Variants in KIF4A observed in about 807,000 individuals in gnomAD.
KIF4A encodes the protein chromosome-associated kinesin KIF4A.
In KIF4A, 7 loss-of-function variants were observed where a neutral mutation model predicts 105.9. The observed-to-expected ratio is 0.07, with a 90% CI of 0.04 to 0.12. The LOEUF is 0.12. Among genes scored for constraint, KIF4A ranks in the 10% least tolerant of loss-of-function variants. KIF4A has a pLI of 1.00. For missense variants in KIF4A, 558 were observed against 929.2 expected, an observed-to-expected ratio of 0.60 and a Z score of 5.19; for synonymous variants, 281 against 331.3, an observed-to-expected ratio of 0.85 and a Z score of 1.65.
At chrX:70,364,151 G>A (rs905836664) in intron 15 of KIF4A, among the ~76,000 whole-genome samples, 13 of 112,029 alleles carry the variant, frequency 1.2e-4, no homozygotes, top group Non-Finnish European at 1.7e-4. Flanking sequence ...CCCTTTGTCA[G>A]ATGAGTAGGT....
chrX:70,312,841 C>A (rs766804453), intron 7 of KIF4A, among the ~76,000 whole-genome samples: 5 of 111,857 alleles, frequency 4.5e-5, no homozygotes, highest in Admixed American at 3.8e-4. Flanking sequence ...TTTACTCTTT[C>A]ATTTTCTCTC....
chrX:70,372,518 C>G (rs764874055), intron 15 of KIF4A, among the ~76,000 whole-genome samples: 4 of 114,367 alleles, frequency 3.5e-5, no homozygotes, highest in African/African-American at 1.3e-4. Flanking sequence ...TGGCGCGCGC[C>G]TGCAATCGCA....
At chrX:70,333,320 C>CAA (rs1196392295) in intron 9 of KIF4A, among the ~76,000 whole-genome samples, 1 of 47,725 alleles carries the variant, frequency 2.1e-5, no homozygotes, top group Admixed American at 2.6e-4. Context: ...ACTCTGTCTC[C>CAA]AAAAAAAAAA....
intron 7 of KIF4A, among the ~76,000 whole-genome samples, chrX:70,326,295 C>G (rs888306177): frequency 9.0e-6 from 1 of 111,685 alleles, no homozygotes; most frequent in Non-Finnish European, 1.9e-5. Context: ...GGATGTTTTA[C>G]AACATCTTTG....
chrX:70,317,213 C>T (rs1206149321), intron 7 of KIF4A, among the ~76,000 whole-genome samples: 1 of 111,245 alleles, frequency 9.0e-6, no homozygotes, highest in South Asian at 3.8e-4. Context: ...TACCTAAATT[C>T]CTTTAATCCT....
chrX:70,320,846 CAT>C (rs2085887358), intron 7 of KIF4A, among the ~76,000 whole-genome samples: 1 of 111,929 alleles, frequency 8.9e-6, no homozygotes, highest in Admixed American at 9.4e-5. Flanking sequence ...GTTCCCAACA[CAT>C]AGAAATTATA....
At chrX:70,419,369 G>T (rs1295104952) in intron 29 of KIF4A, among the ~76,000 whole-genome samples, 3 of 112,176 alleles carry the variant, frequency 2.7e-5, no homozygotes, top group Non-Finnish European at 5.6e-5. Flanking sequence ...GAGAGGGGGA[G>T]TTTAGTCAAA....
Position 70,377,161 on chromosome X carries a change from C to T in KIF4A, c.2034+951C>T, listed in dbSNP as rs139138579. Reference sequence around the variant, plus strand: ...AATCATAGCTCACTGTAGCCTCAAACTGCTGGTCTCAAGCAATCCTCCCAC... The same window carrying T: ...AATCATAGCTCACTGTAGCCTCAAATTGCTGGTCTCAAGCAATCCTCCCAC... On this transcript the variant is annotated intron_variant, in intron 18 of 30. Transcript: ENST00000374403. 6.7e-3 allele frequency among the ~76,000 whole-genome samples: 747 copies of T among 111,200 alleles called. 6 individuals carry two copies. Among genetic ancestry groups the T allele is most frequent in the African/African-American group, 0.023 (708 of 30,554 alleles).
At chrX:70,417,303 G>A (rs2086348274) in intron 28 of KIF4A, among the ~76,000 whole-genome samples, 1 of 111,879 alleles carries the variant, frequency 8.9e-6, no homozygotes, top group African/African-American at 3.3e-5. Context: ...AGGAGTTCGA[G>A]ACCAGCCTGG....
At chrX:70,384,813 A>G (rs2086211155) in intron 18 of KIF4A, among the ~76,000 whole-genome samples, 1 of 110,248 alleles carries the variant, frequency 9.1e-6, no homozygotes. Flanking sequence ...AAAGAAGGCT[A>G]AGAAGAGAAT....
At chrX:70,339,721 G>GT (rs1239259224) in intron 10 of KIF4A, among the ~76,000 whole-genome samples, 2 of 112,235 alleles carry the variant, frequency 1.8e-5, no homozygotes, top group African/African-American at 3.2e-5. Context: ...ATTTTCTTTT[G>GT]TTTTTTAACA....
chrX:70,295,675 T>C (rs897907748), intron 3 of KIF4A, among the ~76,000 whole-genome samples: 1 of 109,391 alleles, frequency 9.1e-6, no homozygotes, highest in Non-Finnish European at 1.9e-5. Flanking sequence ...ACCAGCACTT[T>C]GGGAGGCCAA....
intron 28 of KIF4A, among the ~76,000 whole-genome samples, chrX:70,412,235 C>A (rs1450527733): frequency 1.8e-5 from 2 of 111,712 alleles, no homozygotes; most frequent in African/African-American, 6.5e-5. Flanking sequence ...TAGGGGGAAG[C>A]TCACAGTCTT....
In KIF4A at chrX:70,386,468, C is replaced by A. The variant is rs1359748278; in HGVS notation, c.2035-150C>A. On this transcript the variant is annotated intron_variant, in intron 18 of 30. Transcript: ENST00000374403. Reference sequence around the variant, plus strand: ...CACACAAACATGGTTTCTAGAACTACGAGTTTTTGACTCATATGAGAAGAT... The same window carrying A: ...CACACAAACATGGTTTCTAGAACTAAGAGTTTTTGACTCATATGAGAAGAT... 1.9e-5 allele frequency: 8 copies of A among 432,160 alleles called. No homozygotes were observed. In the East Asian group the frequency reaches 3.1e-4, roughly 17 times the overall value. The allele number at this position is 432,160 out of a possible 1,213,427, so 35.6% of individuals were successfully genotyped here. A position where few individuals can be genotyped will look rare whatever the true frequency, so the allele number is the denominator to read the frequency against.
Position 70,406,328 on chromosome X carries a change from T to C in KIF4A, c.3046T>C (p.Ser1016Pro). ...TAAGGATACCCTTCTATCTCCAGAC[T>C]CTTCTTTTGAATATGTCCCACCTAA... is the stretch of plus-strand genomic sequence containing the variant. ...LPKDTLLSPD[S>P]SFEYVPPKPK... The change falls in exon 27 of 31, where the codon TCT becomes CCT. Residue 1016 changes from serine (S) to proline (P), a missense_variant. Physicochemically the swap from Ser to Pro is moderately conservative, Grantham distance 74 (BLOSUM62 -1). This residue lies in a region of KIF4A where 469 missense variants were observed against 680.4 expected (regional missense o/e 0.69). Coordinates refer to ENST00000374403, the MANE Select transcript of KIF4A (RefSeq NM_012310.5). 5.8e-6 allele frequency: 7 copies of C among 1,205,908 alleles called. No homozygotes were observed. The highest frequency in any genetic ancestry group is 7.9e-6 in the Non-Finnish European group (7 of 890,152).
At chrX:70,384,742 A>G (rs1453168112) in intron 18 of KIF4A, among the ~76,000 whole-genome samples, 1 of 111,249 alleles carries the variant, frequency 9.0e-6, no homozygotes, top group African/African-American at 3.3e-5. Context: ...ATTTGTCTGC[A>G]TAGAGGTGAA....
chrX:70,404,230 G>C (rs2086292092), intron 24 of KIF4A, among the ~76,000 whole-genome samples, 196 bp downstream of exon 24: 1 of 111,995 alleles, frequency 8.9e-6, no homozygotes, highest in Non-Finnish European at 1.9e-5. Context: ...ATGGCTCTGG[G>C]TTTCCAACTT....
chrX:70,402,527 G>A (rs369393062), intron 22 of KIF4A, 39 bp from the exon 23 acceptor site: 4 of 1,199,178 alleles, frequency 3.3e-6, no homozygotes, highest in South Asian at 1.8e-5. Context: ...TTGATGTTCA[G>A]GCTACTTGCA....
intron 15 of KIF4A, among the ~76,000 whole-genome samples, chrX:70,369,812 T>C (rs1399544462): frequency 1.8e-5 from 2 of 111,931 alleles, no homozygotes; most frequent in African/African-American, 3.2e-5. Context: ...GTATATACTA[T>C]ATACTTACAT....
Sources: gnomAD v4.1 joint callset for allele counts (sites outside exome capture counted in the v4.1 genomes callset) on GRCh38, gnomAD v4.1.1 for gene constraint, gnomAD v4.1.1 regional missense constraint, MANE v1.5 for transcripts, NCBI Gene and HGNC (gene_info 2026-07-23, HGNC 2026-07-21) for gene names.